MSL2: variants seen among roughly 807,000 people sequenced by gnomAD.
The protein encoded by MSL2 is E3 ubiquitin-protein ligase MSL2.
In MSL2, 2 loss-of-function variants were observed where a neutral mutation model predicts 35.8. The observed-to-expected ratio is 0.06, with a 90% CI of 0.02 to 0.18. MSL2 has a LOEUF of 0.18. Ranked by LOEUF, MSL2 falls within the 10% of genes least tolerant of loss-of-function variation. The probability of loss-of-function intolerance (pLI) is 1.00; values close to 1 mark genes in which losing one functional copy is unlikely to be tolerated. For missense variants in MSL2, 523 were observed against 706.7 expected (o/e 0.74, Z 2.95); for synonymous variants, 296 against 255.7 (o/e 1.16, Z -1.50).
intron 1 of MSL2, among the ~76,000 whole-genome samples, chr3:136,179,255 TGGTTCAAACCAGCCTCAACCTCCTG>T (rs1940270562): frequency 6.6e-6 from 1 of 152,118 alleles, no homozygotes; most frequent in Non-Finnish European, 1.5e-5. Flanking sequence ...AGCACCATCA[TGGTTCAAACCAGCCTCAACCTCCTG>T]GGTTCAAGCA....
chr3:136,190,222 TGTGTC>T (rs1940648189), intron 1 of MSL2, among the ~76,000 whole-genome samples: 1 of 152,232 alleles, frequency 6.6e-6, no homozygotes, highest in African/African-American at 2.4e-5. Flanking sequence ...GCCTGTGCCA[TGTGTC>T]TTATTCATCT....
rs368827648 is a variant in MSL2 at position 136,175,976 on chromosome 3, CTCCAAAATTAAAG to C, written c.142+18983_142+18995del. ...TCTGAATTATAGCACCAAAATTAAA[CTCCAAAATTAAAG>C]ATGTCGAGTATGTTTCCAAACAATA... On this transcript the variant is annotated intron_variant, in intron 1 of 1. Transcript: ENST00000309993. 1.2e-4 allele frequency among the ~76,000 whole-genome samples: 19 copies of C among 152,170 alleles called. No homozygotes were observed. The East Asian group carries it at 3.3e-3, about 26-fold the overall frequency.
At chr3:136,158,180 C>T (rs1041596012) in intron 1 of MSL2, among the ~76,000 whole-genome samples, 4 of 151,918 alleles carry the variant, frequency 2.6e-5, no homozygotes, top group Non-Finnish European at 5.9e-5. Context: ...GGCGTGGTGG[C>T]GCATGCCTGT....
intron 1 of MSL2, among the ~76,000 whole-genome samples, chr3:136,174,120 T>C (rs971400889): frequency 6.6e-6 from 1 of 152,260 alleles, no homozygotes. Flanking sequence ...CATTGTTCAC[T>C]GGGTCTCACT....
rs1286586072 is a variant in MSL2, at chr3:136,151,158, A to G, written c.1723T>C (p.Phe575Leu). ...KSLDEAIDMR[F>L]DC is the part of the protein sequence containing the mutation. ...AAAGACCCACTGATTTAACAGTCGA[A>G]TCTCATGTCTATAGCTTCATCCAAA... is the stretch of plus-strand genomic sequence containing the variant. Residue 575 changes from phenylalanine (F) to leucine (L), a missense_variant, in exon 2 of 2, where the codon TTC (phenylalanine) becomes CTC (leucine). Phe to Leu is a conservative substitution (Grantham distance 22). Coordinates refer to ENST00000309993, the MANE Select transcript of MSL2 (RefSeq NM_018133.4). This position sits in a 1 kb window ranked among gnomAD's most constrained non-coding sequence, Gnocchi z 5.2. The G allele has an allele frequency of 6.2e-7, 1 of 1,610,246 alleles. No individual in the cohort carries two copies. Among genetic ancestry groups the G allele is most frequent in the Admixed American group, 1.7e-5 (1 of 59,966 alleles).
In MSL2 at chr3:136,166,739, G is replaced by A. The variant is rs182110970; in HGVS notation, c.143-14001C>T. On this transcript the variant is annotated intron_variant, in intron 1 of 1. Coordinates refer to ENST00000309993, the MANE Select transcript of MSL2 (RefSeq NM_018133.4). ...TAACTAAGTCTCAAATTGCTTGCCC[G>A]TCTCTATACAAGAGATGAGCACTCC... 5.3e-5 allele frequency among the ~76,000 whole-genome samples: 8 copies of A among 152,246 alleles called. No individual in the cohort carries two copies. The East Asian group carries it at 1.3e-3, about 26-fold the overall frequency.
chr3:136,169,980 G>A (rs987687164), intron 1 of MSL2, among the ~76,000 whole-genome samples: 2 of 151,722 alleles, frequency 1.3e-5, no homozygotes, highest in East Asian at 3.9e-4. Context: ...GAGCCCAGGA[G>A]GTGAAAGATG....
intron 1 of MSL2, among the ~76,000 whole-genome samples, chr3:136,192,752 A>G (rs1940726315): frequency 6.6e-6 from 1 of 152,228 alleles, no homozygotes; most frequent in Non-Finnish European, 1.5e-5. Context: ...GCATTACAAC[A>G]GAATTAAACT....
intron 1 of MSL2, among the ~76,000 whole-genome samples, chr3:136,155,081 G>A (rs903641568): frequency 4.6e-5 from 7 of 151,970 alleles, no homozygotes; most frequent in African/African-American, 1.2e-4. Context: ...GGTGGCACAC[G>A]CCTGTAGTCC....
intron 1 of MSL2, among the ~76,000 whole-genome samples, chr3:136,180,931 C>T (rs1201111058): frequency 6.6e-6 from 1 of 150,778 alleles, no homozygotes; most frequent in Non-Finnish European, 1.5e-5. Context: ...GAGGGTGGAT[C>T]ATCTGAGGTC....
intron 1 of MSL2, among the ~76,000 whole-genome samples, chr3:136,168,327 A>ACC (rs1939909699): frequency 6.6e-6 from 1 of 152,246 alleles, no homozygotes; most frequent in Admixed American, 6.5e-5. Flanking sequence ...AATCATTACT[A>ACC]AAGAAAGAAG....
Position 136,180,810 on chromosome 3 carries a change from GA to G in MSL2, c.142+14161del, listed in dbSNP as rs1444116778. On this transcript the variant is annotated intron_variant, in intron 1 of 1. Transcript: ENST00000309993. ...GGAGGGAGGGAGGGAGGGAGGGAGG[GA>G]AGGAGGGAAGGAAGGAAGGAAGGAA... is the stretch of plus-strand genomic sequence containing the variant. 7.5e-4 allele frequency among the ~76,000 whole-genome samples: 89 copies of G among 118,954 alleles called. 2 individuals carry two copies. The highest frequency in any genetic ancestry group is 1.4e-3 in the Non-Finnish European group (75 of 55,474). 78.0% of individuals were successfully genotyped at this position (118,954 alleles called of 152,430 possible).
intron 1 of MSL2, chr3:136,194,453 C>T (rs1388084264): frequency 1.0e-6 from 1 of 985,382 alleles, no homozygotes; most frequent in Non-Finnish European, 1.2e-6. Flanking sequence ...AACCGTCAAA[C>T]CGTCAAAGCA....
chr3:136,174,898 G>C (rs762321752), intron 1 of MSL2, among the ~76,000 whole-genome samples: 1 of 152,108 alleles, frequency 6.6e-6, no homozygotes, highest in Admixed American at 6.6e-5. Context: ...TTTAAAATAA[G>C]TAAATACATA....
chr3:136,151,636 T>C lies in MSL2; in HGVS notation c.1245A>G (p.Gly415=). The C allele has an allele frequency of 1.2e-6, 2 of 1,614,206 alleles. No individual in the cohort carries two copies. Among genetic ancestry groups the C allele is most frequent in the Non-Finnish European group, 1.7e-6 (2 of 1,180,046 alleles). ...TGGTTTTAGAGTGAGATTTCTTGGATCCATGTTCATGACTCTTTTTCATGC... is the reference window on the plus strand; with the variant it reads ...TGGTTTTAGAGTGAGATTTCTTGGACCCATGTTCATGACTCTTTTTCATGC... ...TKSMKKSHEH[G]SKKSHSKTKP... The change falls in exon 2 of 2, where the codon GGA becomes GGG. Residue 415 remains glycine, a synonymous_variant. Coordinates refer to ENST00000309993, the MANE Select transcript of MSL2 (RefSeq NM_018133.4). This position sits in a 1 kb window ranked among gnomAD's most constrained non-coding sequence, Gnocchi z 5.2.
At chr3:136,194,447 G>A (rs910117327) in intron 1 of MSL2, 6 of 985,270 alleles carry the variant, frequency 6.1e-6, no homozygotes, top group Admixed American at 6.2e-5. Flanking sequence ...GCTGTTAACC[G>A]TCAAACCGTC....
chr3:136,159,430 C>A (rs949311350), intron 1 of MSL2, among the ~76,000 whole-genome samples: 2 of 125,304 alleles, frequency 1.6e-5, no homozygotes, highest in African/African-American at 6.0e-5. Context: ...GTGGTGCCAT[C>A]TCGGCTCACT....
chr3:136,186,703 C>T lies in MSL2; in HGVS notation c.142+8269G>A, dbSNP rs576900631. 5.3e-5 allele frequency among the ~76,000 whole-genome samples: 8 copies of T among 152,328 alleles called. No individual in the cohort carries two copies. In the South Asian group the frequency reaches 8.3e-4, roughly 16 times the overall value. ...AGATGGGACCCTTGTGGAAAACACG[C>T]TCAGGGCTCCCACTAATCCTACATT... is the stretch of plus-strand genomic sequence containing the variant. On this transcript the variant is annotated intron_variant, in intron 1 of 1. Coordinates refer to ENST00000309993, the MANE Select transcript of MSL2 (RefSeq NM_018133.4).
intron 1 of MSL2, among the ~76,000 whole-genome samples, chr3:136,178,427 T>G (rs996682735): frequency 2.0e-5 from 3 of 152,164 alleles, no homozygotes; most frequent in Non-Finnish European, 4.4e-5. Context: ...AGGTTTGCTT[T>G]ATTACCCTCT....
Sources: gnomAD v4.1 joint callset for allele counts (sites outside exome capture counted in the v4.1 genomes callset) on GRCh38, gnomAD v4.1.1 for gene constraint, Gnocchi (gnomAD v3.1) non-coding constraint, MANE v1.5 for transcripts, NCBI Gene and HGNC (gene_info 2026-07-23, HGNC 2026-07-21) for gene names.